Variants in PLEKHM1 observed in about 807,000 individuals in gnomAD.
PLEKHM1 encodes pleckstrin homology domain-containing family M member 1.
Under a neutral mutation model 94.3 loss-of-function variants are expected in PLEKHM1, and 28 were observed. That is an observed-to-expected ratio of 0.30 (90% CI 0.22 to 0.41). PLEKHM1 has a LOEUF of 0.41. PLEKHM1 is among the 10% of genes least tolerant of loss of function. PLEKHM1 has a pLI of 1.00. For synonymous variants in PLEKHM1, 424 were observed against 581.2 expected (o/e 0.73, Z 3.89); for missense variants, 907 against 1,358.6 (o/e 0.67, Z 5.22).
At chr17:45,461,133 C>G (rs541610225) in intron 5 of PLEKHM1, among the ~76,000 whole-genome samples, 2 of 152,108 alleles carry the variant, frequency 1.3e-5, no homozygotes, top group African/African-American at 4.8e-5. Flanking sequence ...ATGATCCACC[C>G]GCCTCGGCCT....
chr17:45,444,306 GA>G lies in PLEKHM1; in HGVS notation c.2837+1163del. Among the ~76,000 whole-genome samples, 1 of 152,344 alleles carries G rather than the reference GA, an allele frequency of 6.6e-6. No individual in the cohort carries two copies. Reference sequence around the variant, plus strand: ...TTCTCCGCCTGAGGTCTGCCCTCCTGAGGGTGCTGGGAGAGTACAGCCCTGG... The same window carrying G: ...TTCTCCGCCTGAGGTCTGCCCTCCTGGGGTGCTGGGAGAGTACAGCCCTGG... On this transcript the variant is annotated intron_variant, in intron 9 of 11. Transcript: ENST00000430334. This position sits in a 1 kb window ranked among gnomAD's most constrained non-coding sequence, Gnocchi z 5.0.
intron 6 of PLEKHM1, among the ~76,000 whole-genome samples, chr17:45,457,905 CAT>C (rs1282820876): frequency 5.3e-5 from 8 of 152,080 alleles, no homozygotes; most frequent in African/African-American, 1.7e-4. Flanking sequence ...TCATAAATTG[CAT>C]AGTTTTCAGG....
chr17:45,476,206 A>G (rs1016363530), intron 3 of PLEKHM1: 10 of 147,570 alleles, frequency 6.8e-5, no homozygotes, highest in African/African-American at 2.5e-4. Flanking sequence ...CATTATATAT[A>G]TATATATATT....
chr17:45,473,037 C>G (rs2051567173), intron 4 of PLEKHM1, among the ~76,000 whole-genome samples: 2 of 152,108 alleles, frequency 1.3e-5, no homozygotes, highest in South Asian at 4.1e-4. Flanking sequence ...CTAATACCAT[C>G]AGTTGGCAAG....
At chr17:45,442,943 T>C (rs2050493057) in intron 9 of PLEKHM1, among the ~76,000 whole-genome samples, 1 of 152,178 alleles carries the variant, frequency 6.6e-6, no homozygotes. Context: ...TCCTCTGCCC[T>C]TTCTACTCTT....
chr17:45,459,358 T>C (rs1051466239), intron 5 of PLEKHM1: 2 of 152,256 alleles, frequency 1.3e-5, no homozygotes, highest in African/African-American at 2.4e-5. Context: ...ACATCTCATA[T>C]AGATGGAACC....
chr17:45,435,802 G>A (rs2050238546), downstream of PLEKHM1: 2 of 374,680 alleles, frequency 5.3e-6, no homozygotes, highest in Admixed American at 3.3e-5. Context: ...CCCGTGCCAG[G>A]GACTAACATG....
chr17:45,467,961 G>T (rs1270967139), intron 5 of PLEKHM1, among the ~76,000 whole-genome samples: 1 of 152,132 alleles, frequency 6.6e-6, no homozygotes, highest in Non-Finnish European at 1.5e-5. Context: ...ATACACACGG[G>T]AAGTGATCAG....
rs1365202523 is a variant in PLEKHM1, at chr17:45,453,356, T to C, written c.2496A>G (p.Ala832=). The C allele has an allele frequency of 6.2e-7, 1 of 1,612,682 alleles. No homozygotes were observed. Reference sequence around the variant, plus strand: ...GGTGGCAGCAGAGCAAATCGGCACCTGCGCAGAAGCAGCCTTGGGAGTCAA... The same window carrying C: ...GGTGGCAGCAGAGCAAATCGGCACCCGCGCAGAAGCAGCCTTGGGAGTCAA... The part of the protein sequence containing the change: ...KGLDSQGCFC[A]GCSRQIGFSF... The change falls in exon 7 of 12, where the codon GCA becomes GCG. Residue 832 remains alanine, a splice_region_variant and synonymous_variant. Coordinates refer to ENST00000430334, the MANE Select transcript of PLEKHM1 (RefSeq NM_014798.3). This position sits in a 1 kb window ranked among gnomAD's most constrained non-coding sequence, Gnocchi z 4.1.
At chr17:45,480,220 C>T (rs1428489995) in intron 2 of PLEKHM1, among the ~76,000 whole-genome samples, 2 of 152,220 alleles carry the variant, frequency 1.3e-5, no homozygotes, top group African/African-American at 2.4e-5. Context: ...CAGTGGCTCA[C>T]GCCTATAATC....
At chr17:45,452,846 T>C in intron 7 of PLEKHM1, 1 of 187,148 alleles carries the variant, frequency 5.3e-6, no homozygotes, top group South Asian at 1.1e-4. Flanking sequence ...TTTAAGCACC[T>C]GGTAGCACTA....
Position 45,472,744 on chromosome 17 carries a change from A to G in PLEKHM1, c.923+2356T>C, listed in dbSNP as rs184690648. On this transcript the variant is annotated intron_variant, in intron 4 of 11. Coordinates refer to ENST00000430334, the MANE Select transcript of PLEKHM1 (RefSeq NM_014798.3). The stretch of plus-strand genomic sequence containing the variant: ...TCCTATATTGTTTGACTAACAAACA[A>G]TGTGCCTGACCTTCCTGGGCTTGTA... Among the ~76,000 whole-genome samples, 48 of 152,326 alleles carry G rather than the reference A, an allele frequency of 3.2e-4. 1 individual carries two copies. In the East Asian group the frequency reaches 8.9e-3, roughly 28 times the overall value.
intron 5 of PLEKHM1, among the ~76,000 whole-genome samples, chr17:45,467,198 TG>T (rs2051346377): frequency 6.6e-6 from 1 of 152,226 alleles, no homozygotes; most frequent in African/African-American, 2.4e-5. Flanking sequence ...TCCTCCCTCT[TG>T]GTCTCCCAAA....
chr17:45,468,251 G>T lies in PLEKHM1; in HGVS notation c.1266C>A (p.Asp422Glu), dbSNP rs574761162. The part of the protein sequence containing the change: ...GNGLQKAQAH[D>E]GAGLKLVVSS... ...AAACTACCAGCTTCAGACCAGCTCC[G>T]TCATGAGCCTGGGCCTTCTGCAGGC... Residue 422 changes from aspartate to glutamate, a missense_variant, in exon 5 of 12, where the codon GAC (aspartate) becomes GAA (glutamate). Asp to Glu is a conservative substitution (Grantham distance 45). Transcript: ENST00000430334. 1 of 1,613,116 alleles carries T rather than the reference G, an allele frequency of 6.2e-7. No individual in the cohort carries two copies. The highest frequency in any genetic ancestry group is 2.2e-5 in the East Asian group (1 of 44,868).
intron 11 of PLEKHM1, among the ~76,000 whole-genome samples, chr17:45,439,071 C>G (rs1010371479): frequency 3.3e-5 from 5 of 152,268 alleles, no homozygotes; most frequent in Non-Finnish European, 7.3e-5. Context: ...GACACAGTGG[C>G]AGTGGCAGGT....
chr17:45,490,028 G>A (rs2052258761), intron 1 of PLEKHM1, among the ~76,000 whole-genome samples: 1 of 152,168 alleles, frequency 6.6e-6, no homozygotes, highest in Non-Finnish European at 1.5e-5. Flanking sequence ...GGAGACTAAG[G>A]ACGAGAAGAC....
intron 5 of PLEKHM1, among the ~76,000 whole-genome samples, chr17:45,459,026 G>A (rs1189727338): frequency 2.0e-5 from 3 of 152,008 alleles, no homozygotes; most frequent in African/African-American, 7.3e-5. Flanking sequence ...TACTGAGGAG[G>A]CTGAAGCGGG....
chr17:45,473,955 G>C (rs56015792), intron 4 of PLEKHM1, among the ~76,000 whole-genome samples: 19,718 of 152,134 alleles, frequency 0.13, 1,604 homozygotes, highest in Middle Eastern at 0.21. Flanking sequence ...GAAAGAACAG[G>C]GTAGAGGGAG....
At chr17:45,446,274 A>T (rs1222478235) in intron 8 of PLEKHM1, 1 of 154,790 alleles carries the variant, frequency 6.5e-6, no homozygotes, top group Non-Finnish European at 1.4e-5. Context: ...CAATGCCAAT[A>T]ATCGAGCGCC....
Sources: gnomAD v4.1 joint callset for allele counts (sites outside exome capture counted in the v4.1 genomes callset) on GRCh38, gnomAD v4.1.1 for gene constraint, Gnocchi (gnomAD v3.1) non-coding constraint, MANE v1.5 for transcripts, NCBI Gene and HGNC (gene_info 2026-07-23, HGNC 2026-07-21) for gene names.